Variants in TOX2 observed in about 807,000 individuals in gnomAD.
TOX2 encodes the protein TOX high mobility group box family member 2.
A neutral mutation model predicts 47.4 loss-of-function variants in TOX2; 15 were observed. The ratio of observed to expected loss-of-function variants is 0.32; its 90% CI spans 0.21 to 0.49. The LOEUF is 0.49. Ranked by LOEUF, TOX2 falls within the 20% of genes least tolerant of loss-of-function variation. The pLI is 0.99. For synonymous variants in TOX2, 290 were observed against 296.6 expected (o/e 0.98, Z 0.23); for missense variants, 622 against 673.1 (o/e 0.92, Z 0.84).
In TOX2 at chr20:44,051,372, C is replaced by G. The variant is rs1458899028; in HGVS notation, c.478C>G (p.Arg160Gly). The G allele has an allele frequency of 6.2e-7, 1 of 1,613,808 alleles. No individual in the cohort carries two copies. The highest frequency in any genetic ancestry group is 1.1e-5 in the South Asian group (1 of 91,062). The change falls in exon 4 of 9, where the codon CGC becomes GGC. Residue 160 changes from arginine to glycine, a missense_variant. Transcript: ENST00000341197. ...GGGCCGGCCCGGGCCCCTGCTGGGT[C>G]GCCCGGCAATGCTGGCCAGCCACAT... ...DSGRPGPLLG[R>G]PAMLASHMSA...
At chr20:44,023,448 A>C (rs2071009383) in intron 3 of TOX2, among the ~76,000 whole-genome samples, 2 of 151,764 alleles carry the variant, frequency 1.3e-5, no homozygotes, top group Non-Finnish European at 2.9e-5. Flanking sequence ...AAAAAAAAAA[A>C]AAGGAGGGAA....
In TOX2 at chr20:43,916,227, G is replaced by T; in HGVS notation, c.99+1237G>T. 2 of 985,578 alleles carry T rather than the reference G, an allele frequency of 2.0e-6. No homozygotes were observed. Among genetic ancestry groups the T allele is most frequent in the Non-Finnish European group, 2.4e-6 (2 of 830,038 alleles). The allele number at this position is 985,578 out of a possible 1,614,324, so 61.1% of individuals were successfully genotyped here. ...ATGCGGGGTGAGTGCGCGTCCAGTG[G>T]CTGGATCGGCGCCCCCCAGGGTCTC... On this transcript the variant is annotated intron_variant, in intron 1 of 8. Coordinates refer to ENST00000341197, the MANE Select transcript of TOX2 (RefSeq NM_001098797.2). This position sits in a 1 kb window ranked among gnomAD's most constrained non-coding sequence, Gnocchi z 5.0.
At chr20:44,063,293 A>C (rs958780291) in intron 5 of TOX2, among the ~76,000 whole-genome samples, 12 of 152,234 alleles carry the variant, frequency 7.9e-5, no homozygotes, top group African/African-American at 2.9e-4. Context: ...CAAGAAAAAA[A>C]CAATCCCATC....
At chr20:43,920,673 C>T (rs1007022377) in intron 1 of TOX2, among the ~76,000 whole-genome samples, 3 of 152,182 alleles carry the variant, frequency 2.0e-5, no homozygotes, top group African/African-American at 7.2e-5. Context: ...CTGCTGCCCC[C>T]GATCTGCTGG....
chr20:43,976,673 G>T (rs916941992), intron 2 of TOX2, among the ~76,000 whole-genome samples: 4 of 152,148 alleles, frequency 2.6e-5, no homozygotes, highest in African/African-American at 9.7e-5. Context: ...ATAGCTCCTT[G>T]CAGCTCAGTG....
intron 5 of TOX2, among the ~76,000 whole-genome samples, chr20:44,056,537 C>T (rs1347326420): frequency 6.6e-6 from 1 of 152,160 alleles, no homozygotes; most frequent in African/African-American, 2.4e-5. Flanking sequence ...TCAGCGCAGC[C>T]CAGAGGCAAG....
At chr20:43,942,677 C>A (rs576452659) in intron 1 of TOX2, among the ~76,000 whole-genome samples, 9 of 151,876 alleles carry the variant, frequency 5.9e-5, no homozygotes, top group African/African-American at 2.2e-4. Flanking sequence ...TAGAGGGAGA[C>A]CCTGTCTCAA....
chr20:43,981,586 T>G (rs1398936305), intron 2 of TOX2, among the ~76,000 whole-genome samples: 1 of 152,232 alleles, frequency 6.6e-6, no homozygotes, highest in East Asian at 1.9e-4. Flanking sequence ...TCACCGTATC[T>G]TTTTATGTTT....
chr20:44,022,850 C>G (rs886391728), intron 3 of TOX2, among the ~76,000 whole-genome samples: 6 of 152,180 alleles, frequency 3.9e-5, no homozygotes, highest in African/African-American at 1.4e-4. Flanking sequence ...GATCCACCCT[C>G]CACCCCAAGC....
chr20:43,942,934 C>G (rs1430088227), intron 1 of TOX2, among the ~76,000 whole-genome samples: 1 of 152,188 alleles, frequency 6.6e-6, no homozygotes. Context: ...AGAGGCCCTT[C>G]TTGTCTCCAC....
At chr20:43,958,567 C>A (rs527381231) in intron 1 of TOX2, among the ~76,000 whole-genome samples, 3 of 152,230 alleles carry the variant, frequency 2.0e-5, no homozygotes, top group Admixed American at 2.0e-4. Flanking sequence ...ACCCATTTTC[C>A]CTATGGACCT....
intron 3 of TOX2, among the ~76,000 whole-genome samples, chr20:44,007,695 C>A (rs1435793896): frequency 6.6e-6 from 1 of 152,026 alleles, no homozygotes; most frequent in Non-Finnish European, 1.5e-5. Flanking sequence ...AACAAATTAG[C>A]CAGGTGTGGT....
intron 3 of TOX2, among the ~76,000 whole-genome samples, chr20:44,025,251 C>G (rs1424472548): frequency 6.6e-6 from 1 of 152,000 alleles, no homozygotes; most frequent in Non-Finnish European, 1.5e-5. Flanking sequence ...ATGCGTCGAG[C>G]CTCTGCCTGC....
At chr20:44,020,103 G>A (rs539514010) in intron 3 of TOX2, among the ~76,000 whole-genome samples, 5 of 152,344 alleles carry the variant, frequency 3.3e-5, no homozygotes, top group African/African-American at 1.2e-4. Flanking sequence ...TCCTCCCAGG[G>A]TTGTTGTGAA....
At chr20:44,013,006 A>G (rs1214715650) in intron 3 of TOX2, among the ~76,000 whole-genome samples, 3 of 152,110 alleles carry the variant, frequency 2.0e-5, no homozygotes, top group Non-Finnish European at 4.4e-5. Flanking sequence ...GCTGTTGGGG[A>G]AGGGGCTGAG....
At chr20:43,988,087 T>G (rs1278948737) in intron 2 of TOX2, among the ~76,000 whole-genome samples, 1 of 151,896 alleles carries the variant, frequency 6.6e-6, no homozygotes, top group East Asian at 1.9e-4. Context: ...ACCCAGCTAA[T>G]TTTTGTATTT....
chr20:43,962,355 G>A (rs1434698648), intron 1 of TOX2, among the ~76,000 whole-genome samples: 1 of 152,218 alleles, frequency 6.6e-6, no homozygotes, highest in African/African-American at 2.4e-5. Flanking sequence ...GGTTGGAGCT[G>A]GAGTTCCTGC....
chr20:44,034,047 A>G (rs1165068908), intron 3 of TOX2, among the ~76,000 whole-genome samples: 1 of 152,096 alleles, frequency 6.6e-6, no homozygotes, highest in Non-Finnish European at 1.5e-5. Context: ...ACCCTCCAAC[A>G]AGTCCCAGCC....
chr20:43,986,783 A>G (rs1049089211), intron 2 of TOX2, among the ~76,000 whole-genome samples: 2 of 152,128 alleles, frequency 1.3e-5, no homozygotes, highest in African/African-American at 2.4e-5. Flanking sequence ...TCGTATGTTC[A>G]GGCCAGGCGT....
Sources: allele counts gnomAD v4.1 joint callset (sites outside exome capture counted in the v4.1 genomes callset), GRCh38; gene constraint gnomAD v4.1.1; non-coding constraint Gnocchi (gnomAD v3.1); transcripts MANE v1.5; gene names NCBI Gene and HGNC (gene_info 2026-07-23, HGNC 2026-07-21).